COL19A1: variants seen among roughly 807,000 people sequenced by gnomAD.
The protein encoded by COL19A1 is collagen alpha-1(XIX) chain.
Under a neutral mutation model 190.2 loss-of-function variants are expected in COL19A1, and 159 were observed. That is an observed-to-expected ratio of 0.84 (90% CI 0.73 to 0.95). COL19A1 has a LOEUF of 0.95. COL19A1 is among the 40% of genes least tolerant of loss of function. The probability of loss-of-function intolerance (pLI) is 0.00; values close to 1 mark genes in which losing one functional copy is unlikely to be tolerated. For synonymous variants in COL19A1, 509 were observed against 458.9 expected (o/e 1.11, Z -1.39); for missense variants, 1,418 against 1,431.9 (o/e 0.99, Z 0.16).
At chr6:69,934,369 G>C (rs144354175) in intron 7 of COL19A1, among the ~76,000 whole-genome samples, 7 of 151,922 alleles carry the variant, frequency 4.6e-5, no homozygotes, top group African/African-American at 1.4e-4. Flanking sequence ...CCAAAATTTT[G>C]TTTTTAATTA....
chr6:69,914,933 T>A (rs571309155), intron 4 of COL19A1, among the ~76,000 whole-genome samples: 172 of 152,328 alleles, frequency 1.1e-3, no homozygotes, highest in Non-Finnish European at 2.2e-3. Context: ...ATCTTTTTTT[T>A]ATATTTTAGT....
chr6:69,897,188 T>C (rs1261744727), intron 2 of COL19A1, among the ~76,000 whole-genome samples: 1 of 152,222 alleles, frequency 6.6e-6, no homozygotes, highest in East Asian at 1.9e-4. Flanking sequence ...TCAGTGTTTT[T>C]CTGTATGGAT....
rs188634916 is a variant in COL19A1, at chr6:70,076,287, A to G, written c.1224+7811A>G. Among the ~76,000 whole-genome samples, 591 of 152,376 alleles carry G rather than the reference A, an allele frequency of 3.9e-3. 3 individuals are homozygous for G. The highest frequency in any genetic ancestry group is 0.014 in the African/African-American group (571 of 41,590). ...GGGCTATTTATTCTAACTGTTCTGC[A>G]TAATATACACCCATTGTCTATTTTG... On this transcript the variant is annotated intron_variant, in intron 15 of 50. Transcript: ENST00000620364.
intron 7 of COL19A1, among the ~76,000 whole-genome samples, chr6:69,933,647 G>A (rs1192291370): frequency 2.0e-5 from 3 of 151,894 alleles, no homozygotes; most frequent in African/African-American, 7.3e-5. Context: ...TTCATTACAA[G>A]AAAAATACTA....
chr6:69,921,459 A>ATCATATATATCATATATCATATATAT, intron 4 of COL19A1, among the ~76,000 whole-genome samples: 1 of 21,270 alleles, frequency 4.7e-5, no homozygotes, highest in Non-Finnish European at 1.0e-4. Flanking sequence ...TATCATATAT[A>ATCATATATATCATATATCATATATAT]TCATATATAT....
At chr6:70,088,400 AT>A (rs1306378487) in intron 15 of COL19A1, among the ~76,000 whole-genome samples, 3 of 151,918 alleles carry the variant, frequency 2.0e-5, no homozygotes, top group African/African-American at 4.8e-5. Context: ...TACAATGCAC[AT>A]TTTTTTTCTA....
At chr6:70,049,434 C>T (rs573592325) in intron 14 of COL19A1, among the ~76,000 whole-genome samples, 7 of 151,952 alleles carry the variant, frequency 4.6e-5, no homozygotes, top group Admixed American at 2.6e-4. Context: ...ATGCTTAAAG[C>T]CCTGGAAATA....
At chr6:69,926,110 C>A (rs896050515) in intron 4 of COL19A1, among the ~76,000 whole-genome samples, 8 of 152,138 alleles carry the variant, frequency 5.3e-5, no homozygotes, top group Non-Finnish European at 1.0e-4. Flanking sequence ...CTGGCCAGAA[C>A]TTCCAACACT....
intron 16 of COL19A1, among the ~76,000 whole-genome samples, chr6:70,112,938 C>A (rs1003566659): frequency 6.6e-6 from 1 of 152,134 alleles, no homozygotes; most frequent in Admixed American, 6.6e-5. Flanking sequence ...CTGGAATACA[C>A]GGGGGAACGA....
chr6:70,037,366 G>A (rs1779408364), intron 14 of COL19A1, among the ~76,000 whole-genome samples: 1 of 152,022 alleles, frequency 6.6e-6, no homozygotes, highest in African/African-American at 2.4e-5. Flanking sequence ...ATATTGATCA[G>A]GCTGGTCTGG....
chr6:70,017,567 TG>T (rs1778186745), intron 11 of COL19A1, among the ~76,000 whole-genome samples: 1 of 152,130 alleles, frequency 6.6e-6, no homozygotes, highest in Non-Finnish European at 1.5e-5. Flanking sequence ...AGCATATAGA[TG>T]ATCATTGTAG....
intron 14 of COL19A1, among the ~76,000 whole-genome samples, chr6:70,065,765 A>G (rs927633645): frequency 2.6e-5 from 4 of 152,218 alleles, no homozygotes; most frequent in Non-Finnish European, 4.4e-5. Flanking sequence ...TTTACAAGAA[A>G]AAAACAAACA....
At chr6:70,068,909 C>G (rs1325405656) in intron 15 of COL19A1, among the ~76,000 whole-genome samples, 1 of 152,020 alleles carries the variant, frequency 6.6e-6, no homozygotes, top group Non-Finnish European at 1.5e-5. Flanking sequence ...TTGCCTTTAA[C>G]TGAGACAAAA....
At chr6:70,147,058 C>T (rs1786705214) in intron 27 of COL19A1, among the ~76,000 whole-genome samples, 169 bp downstream of exon 27, 1 of 152,188 alleles carries the variant, frequency 6.6e-6, no homozygotes, top group African/African-American at 2.4e-5. Context: ...AGCACAGAGA[C>T]AGTACCCACT....
intron 11 of COL19A1, among the ~76,000 whole-genome samples, chr6:69,975,008 T>C (rs1396170559): frequency 6.6e-6 from 1 of 151,890 alleles, no homozygotes; most frequent in Non-Finnish European, 1.5e-5. Flanking sequence ...GGAGACAGGG[T>C]TTCACCATGC....
chr6:70,187,693 G>T (rs986042102), intron 46 of COL19A1, among the ~76,000 whole-genome samples: 1 of 151,186 alleles, frequency 6.6e-6, no homozygotes, highest in African/African-American at 2.4e-5. Context: ...AGATCCTCTT[G>T]GCAATCTTCC....
intron 49 of COL19A1, among the ~76,000 whole-genome samples, chr6:70,206,634 CAAA>C (rs34634051): frequency 1.2e-3 from 126 of 101,874 alleles, no homozygotes; most frequent in South Asian, 0.011. Context: ...GACTCTGTCT[CAAA>C]AAAAAAAAAA....
At chr6:69,906,519 A>G (rs1455618951) in intron 4 of COL19A1, among the ~76,000 whole-genome samples, 1 of 152,146 alleles carries the variant, frequency 6.6e-6, no homozygotes, top group African/African-American at 2.4e-5. Context: ...AATTAGGATG[A>G]TTTCTGTAAG....
At chr6:70,069,528 G>C (rs952288126) in intron 15 of COL19A1, among the ~76,000 whole-genome samples, 1 of 152,148 alleles carries the variant, frequency 6.6e-6, no homozygotes, top group East Asian at 1.9e-4. Flanking sequence ...GCTTTCCAGA[G>C]TTGTCGAGAA....
Sources: gnomAD v4.1 joint callset for allele counts (sites outside exome capture counted in the v4.1 genomes callset) on GRCh38, gnomAD v4.1.1 for gene constraint, MANE v1.5 for transcripts, NCBI Gene and HGNC (gene_info 2026-07-23, HGNC 2026-07-21) for gene names.